RAB44: variants seen among roughly 807,000 people sequenced by gnomAD.
RAB44 encodes ras-related protein Rab-44.
A neutral mutation model predicts 93.3 loss-of-function variants in RAB44; 67 were observed. The ratio of observed to expected loss-of-function variants is 0.72; its 90% CI spans 0.59 to 0.88. The LOEUF (loss-of-function observed/expected upper bound fraction) is 0.88, where lower values mean the gene tolerates loss of function less well. RAB44 is among the 40% of genes least tolerant of loss of function. The pLI, the probability that RAB44 is intolerant of heterozygous loss-of-function variation, is 0.00. For missense variants in RAB44, 1,064 were observed against 1,261.7 expected, an observed-to-expected ratio of 0.84 and a Z score of 2.37; for synonymous variants, 427 against 520.3, an observed-to-expected ratio of 0.82 and a Z score of 2.44.
chr6:36,722,019 A>G lies in RAB44; in HGVS notation c.1885A>G (p.Thr629Ala). Residue 629 changes from threonine to alanine, a missense_variant, in exon 9 of 14, where the codon ACA (threonine) becomes GCA (alanine). Thr to Ala is a moderately conservative substitution (Grantham distance 58). Coordinates refer to ENST00000612677, the MANE Select transcript of RAB44 (RefSeq NM_001257357.2). ...QGLEFVGPVPTERLEQGQAGP... is the reference protein window; with the variant it reads ...QGLEFVGPVPAERLEQGQAGP... ...CCTGGAATTTGTGGGTCCGGTGCCC[A>G]CAGAGAGGCTGGAGCAGGGCCAGGC... 8.1e-7 allele frequency: 1 copy of G among 1,232,934 alleles called. No homozygotes were observed. Among genetic ancestry groups the G allele is most frequent in the Non-Finnish European group, 1.0e-6 (1 of 988,412 alleles). 76.4% of individuals were successfully genotyped at this position (1,232,934 alleles called of 1,614,324 possible).
chr6:36,701,464 C>T (rs1762506541), intron 1 of RAB44, among the ~76,000 whole-genome samples: 2 of 152,096 alleles, frequency 1.3e-5, no homozygotes, highest in Non-Finnish European at 2.9e-5. Context: ...TTCTAGGGGA[C>T]CATGAATCAG....
Position 36,720,859 on chromosome 6 carries a change from C to A in RAB44, c.1017-292C>A, listed in dbSNP as rs1299542812. Among the ~76,000 whole-genome samples, 4 of 152,190 alleles carry A rather than the reference C, an allele frequency of 2.6e-5. No individual in the cohort carries two copies. In the South Asian group the frequency reaches 8.3e-4, roughly 31 times the overall value. ...CACATGTCCTAGTGCAGTGCTAGAT[C>A]CCTAGCAGGCACTCACTCTACTTGT... is the stretch of plus-strand genomic sequence containing the variant. On this transcript the variant is annotated intron_variant, in intron 8 of 13. Coordinates refer to ENST00000612677, the MANE Select transcript of RAB44 (RefSeq NM_001257357.2).
chr6:36,728,927 C>T, intron 12 of RAB44, 126 bp downstream of exon 12: 1 of 758,698 alleles, frequency 1.3e-6, no homozygotes, highest in Non-Finnish European at 2.2e-6. Context: ...CTGCCCCTGC[C>T]CCAACCAAAG....
intron 4 of RAB44, among the ~76,000 whole-genome samples, chr6:36,716,249 C>T (rs921795357): frequency 9.9e-5 from 15 of 151,908 alleles, no homozygotes; most frequent in African/African-American, 3.6e-4. Flanking sequence ...GCGGGTGGAT[C>T]ACCTGAGGTC....
At chr6:36,723,751 C>T (rs930512436) in intron 9 of RAB44, among the ~76,000 whole-genome samples, 5 of 145,788 alleles carry the variant, frequency 3.4e-5, no homozygotes, top group East Asian at 4.2e-4. Flanking sequence ...AGGAGAATGA[C>T]GTGAACCCAG....
intron 10 of RAB44, among the ~76,000 whole-genome samples, chr6:36,726,802 AT>A (rs35515538): frequency 0.045 from 6,479 of 142,942 alleles, 129 homozygotes; most frequent in Admixed American, 0.055. Flanking sequence ...ACTAATAGGG[AT>A]TTTTTTTTTT....
chr6:36,703,299 T>C (rs943779161), intron 1 of RAB44, among the ~76,000 whole-genome samples: 10 of 152,222 alleles, frequency 6.6e-5, no homozygotes, highest in Non-Finnish European at 2.9e-5. Context: ...CCAACACTGC[T>C]TCACTGGGGA....
intron 7 of RAB44, among the ~76,000 whole-genome samples, chr6:36,718,810 G>T (rs1357994741): frequency 3.9e-5 from 6 of 152,134 alleles, no homozygotes; most frequent in Non-Finnish European, 8.8e-5. Flanking sequence ...TCCTGCTTAG[G>T]GTCAGGTTAC....
intron 2 of RAB44, among the ~76,000 whole-genome samples, chr6:36,704,823 A>G (rs1762603738): frequency 6.6e-6 from 1 of 152,164 alleles, no homozygotes; most frequent in African/African-American, 2.4e-5. Flanking sequence ...GTGTCCCCAT[A>G]AAGAGTCTTA....
intron 3 of RAB44, among the ~76,000 whole-genome samples, chr6:36,714,169 T>G (rs1349753631): frequency 6.6e-6 from 1 of 152,182 alleles, no homozygotes; most frequent in Non-Finnish European, 1.5e-5. Context: ...GTAAAAGGCT[T>G]CTCCTGAGCC....
chr6:36,722,471 C>CA lies in RAB44; in HGVS notation c.2338dup (p.Thr780AsnfsTer23). On this transcript the variant is annotated frameshift_variant, in exon 9 of 14. Coordinates refer to ENST00000612677, the MANE Select transcript of RAB44 (RefSeq NM_001257357.2). LOFTEE classifies it high-confidence loss of function. ...AGGAAGCCCAACCCAGGCCATCCCT[C>CA]ACGACTGCTCACGCAGAAGAACAAG... 1.4e-6 allele frequency: 2 copies of CA among 1,466,642 alleles called. No homozygotes were observed. Among genetic ancestry groups the CA allele is most frequent in the Non-Finnish European group, 1.8e-6 (2 of 1,111,076 alleles). The allele number at this position is 1,466,642 out of a possible 1,614,324, so 90.9% of individuals were successfully genotyped here. A position where few individuals can be genotyped will look rare whatever the true frequency, so the allele number is the denominator to read the frequency against.
In RAB44 at chr6:36,722,258, G is replaced by A. The variant is rs957867912; in HGVS notation, c.2124G>A (p.Ser708=). 2.4e-6 allele frequency: 3 copies of A among 1,272,430 alleles called. 1 individual carries two copies. Among genetic ancestry groups the A allele is most frequent in the Non-Finnish European group, 3.0e-6 (3 of 1,010,772 alleles). 78.8% of individuals were successfully genotyped at this position (1,272,430 alleles called of 1,614,324 possible). A position where few individuals can be genotyped will look rare whatever the true frequency, so the allele number is the denominator to read the frequency against. Residue 708 remains serine (S), a synonymous_variant, in exon 9 of 14, where the codon TCG becomes TCA. Coordinates refer to ENST00000612677, the MANE Select transcript of RAB44 (RefSeq NM_001257357.2). The part of the protein sequence containing the change: ...VEAHGLETAH[S]ELPQQDSLLV... The stretch of plus-strand genomic sequence containing the variant: ...CTCACGGCCTAGAAACTGCGCATTC[G>A]GAACTCCCCCAGCAAGACTCTCTGC...
chr6:36,722,533 G>T lies in RAB44; in HGVS notation c.2399G>T (p.Arg800Met). The change falls in exon 9 of 14, where the codon AGG (arginine) becomes ATG (methionine). Residue 800 changes from arginine (R) to methionine (M), a missense_variant. Arg to Met is a moderately conservative substitution (Grantham distance 91, BLOSUM62 -1). Coordinates refer to ENST00000612677, the MANE Select transcript of RAB44 (RefSeq NM_001257357.2). ...PHSREPRAESRLEDPGMDSRE... is the reference protein window; with the variant it reads ...PHSREPRAESMLEDPGMDSRE... Reference sequence around the variant, plus strand: ...TCCAGGGAACCAAGGGCAGAGAGCAGGCTTGAAGATCCAGGAATGGACTCC... The same window carrying T: ...TCCAGGGAACCAAGGGCAGAGAGCATGCTTGAAGATCCAGGAATGGACTCC... 6.5e-7 allele frequency: 1 copy of T among 1,538,692 alleles called. No homozygotes were observed. Among genetic ancestry groups the T allele is most frequent in the Non-Finnish European group, 8.8e-7 (1 of 1,140,348 alleles).
At chr6:36,730,784 C>CG in intron 13 of RAB44, 35 bp downstream of exon 13, 1 of 1,096,638 alleles carries the variant, frequency 9.1e-7, no homozygotes, top group South Asian at 4.7e-5. Context: ...CCCCCACCCC[C>CG]CCCCTTGCAG....
Position 36,720,422 on chromosome 6 carries a change from G to A in RAB44, c.888G>A (p.Gln296=), listed in dbSNP as rs1279177152. The A allele has an allele frequency of 1.6e-6, 2 of 1,232,648 alleles. 1 individual carries two copies. 76.4% of individuals were successfully genotyped at this position (1,232,648 alleles called of 1,614,324 possible). ...ATCAGGAGGCTGCCTCAGAGAACCA[G>A]CAGCTGCAGGAGGCCAAGCGTGACC... ...STHQEAASEN[Q]QLQEAKRDLA... The change falls in exon 8 of 14, where the codon CAG becomes CAA. Residue 296 remains glutamine, a synonymous_variant. Coordinates refer to ENST00000612677, the MANE Select transcript of RAB44 (RefSeq NM_001257357.2).
rs189805752 is a variant in RAB44 at position 36,730,548 on chromosome 6, C to T, written c.2899-125C>T. The T allele has an allele frequency of 8.9e-4, 452 of 507,646 alleles. 3 individuals carry two copies. The East Asian group carries it at 0.014, about 15-fold the overall frequency. 31.4% of individuals were successfully genotyped at this position (507,646 alleles called of 1,614,324 possible). ...CACGCTGAGATGGGGCTGTCTTGCT[C>T]GCCACTGAGGTCAGCTTAGGGATGC... is the stretch of plus-strand genomic sequence containing the variant. On this transcript the variant is annotated intron_variant, in intron 12 of 13. Transcript: ENST00000612677.
intron 10 of RAB44, among the ~76,000 whole-genome samples, chr6:36,726,493 T>C (rs1763243046): frequency 6.6e-6 from 1 of 152,178 alleles, no homozygotes; most frequent in Non-Finnish European, 1.5e-5. Context: ...TCTACCTGCC[T>C]CGGCCTCCCA....
At chr6:36,707,825 T>C (rs1018167284) in intron 2 of RAB44, among the ~76,000 whole-genome samples, 2 of 152,230 alleles carry the variant, frequency 1.3e-5, no homozygotes, top group Non-Finnish European at 2.9e-5. Context: ...TGAAAGGCTG[T>C]GGTTATGTAT....
intron 12 of RAB44, among the ~76,000 whole-genome samples, chr6:36,729,750 T>C (rs939693798): frequency 2.0e-5 from 3 of 152,210 alleles, no homozygotes; most frequent in Non-Finnish European, 2.9e-5. Flanking sequence ...CCCAAAGTGC[T>C]GGGATTACAG....
Sources: allele counts gnomAD v4.1 joint callset (sites outside exome capture counted in the v4.1 genomes callset), GRCh38; gene constraint gnomAD v4.1.1; transcripts MANE v1.5; gene names NCBI Gene and HGNC (gene_info 2026-07-23, HGNC 2026-07-21).